CTNNBIP1: variants seen among roughly 807,000 people sequenced by gnomAD.
CTNNBIP1 encodes the protein beta-catenin-interacting protein 1.
Under a neutral mutation model 11.8 loss-of-function variants are expected in CTNNBIP1, and 7 were observed. The observed-to-expected ratio is 0.60, with a 90% confidence interval of 0.34 to 1.12. The LOEUF (loss-of-function observed/expected upper bound fraction) is 1.12. Among genes scored for constraint, CTNNBIP1 ranks in the 50% most tolerant of loss-of-function variants. CTNNBIP1 has a pLI of 0.03. For synonymous variants in CTNNBIP1, 58 were observed against 43.9 expected, an observed-to-expected ratio of 1.32 and a Z score of -1.26; for missense variants, 101 against 113.4, an observed-to-expected ratio of 0.89 and a Z score of 0.50.
chr1:9,859,800 T>C (rs1638584709), intron 5 of CTNNBIP1, among the ~76,000 whole-genome samples: 1 of 152,220 alleles, frequency 6.6e-6, no homozygotes, highest in South Asian at 2.1e-4. Context: ...AGCCTAGTGC[T>C]GCACTAGCTC....
At chr1:9,907,233 C>T (rs1376184746) in intron 1 of CTNNBIP1, among the ~76,000 whole-genome samples, 2 of 152,116 alleles carry the variant, frequency 1.3e-5, no homozygotes, top group African/African-American at 4.8e-5. Flanking sequence ...TGCAGTGGCA[C>T]GATCTTGGCT....
chr1:9,870,393 C>T (rs1348105648), intron 5 of CTNNBIP1, among the ~76,000 whole-genome samples: 1 of 152,144 alleles, frequency 6.6e-6, no homozygotes, highest in Non-Finnish European at 1.5e-5. Context: ...AGCCAAGGGA[C>T]ATGGAGCTGT....
intron 1 of CTNNBIP1, among the ~76,000 whole-genome samples, chr1:9,898,369 C>T (rs1639452907): frequency 6.6e-6 from 1 of 151,680 alleles, no homozygotes; most frequent in Admixed American, 6.6e-5. Context: ...GCTAAAAATA[C>T]AAAAATTATC....
At chr1:9,866,422 G>T (rs1200923988) in intron 5 of CTNNBIP1, among the ~76,000 whole-genome samples, 1 of 152,170 alleles carries the variant, frequency 6.6e-6, no homozygotes, top group African/African-American at 2.4e-5. Flanking sequence ...GGCTGGGCAT[G>T]GTGGCTCCCG....
chr1:9,905,647 G>A (rs1639602975), intron 1 of CTNNBIP1, among the ~76,000 whole-genome samples: 1 of 151,282 alleles, frequency 6.6e-6, no homozygotes, highest in Non-Finnish European at 1.5e-5. Context: ...ACCCAGGATG[G>A]TCTCGATCTC....
intron 5 of CTNNBIP1, among the ~76,000 whole-genome samples, chr1:9,868,826 G>A (rs1156487655): frequency 6.6e-6 from 1 of 152,182 alleles, no homozygotes; most frequent in East Asian, 1.9e-4. Context: ...AATAGAGACA[G>A]GATGTTGCCA....
chr1:9,878,704 G>T (rs983964730), intron 2 of CTNNBIP1, among the ~76,000 whole-genome samples: 1 of 152,180 alleles, frequency 6.6e-6, no homozygotes, highest in Non-Finnish European at 1.5e-5. Flanking sequence ...ATTGCCGAGT[G>T]GGCGGAGACA....
chr1:9,874,762 T>A (rs976929715), intron 3 of CTNNBIP1, among the ~76,000 whole-genome samples: 8 of 152,174 alleles, frequency 5.3e-5, no homozygotes, highest in Non-Finnish European at 1.0e-4. Flanking sequence ...CTCTGCAATA[T>A]CCACACCCAT....
intron 1 of CTNNBIP1, among the ~76,000 whole-genome samples, chr1:9,886,161 C>T (rs1211939528): frequency 6.6e-6 from 1 of 152,150 alleles, no homozygotes; most frequent in Non-Finnish European, 1.5e-5. Context: ...CCGTCAGTCC[C>T]CAGCTGGCTC....
chr1:9,861,844 C>T (rs1364581939), intron 5 of CTNNBIP1, among the ~76,000 whole-genome samples: 1 of 152,220 alleles, frequency 6.6e-6, no homozygotes, highest in Non-Finnish European at 1.5e-5. Context: ...AGGGGGAAGT[C>T]CCTGCACATC....
At chr1:9,869,938 C>T (rs906118077) in intron 5 of CTNNBIP1, among the ~76,000 whole-genome samples, 3 of 152,226 alleles carry the variant, frequency 2.0e-5, no homozygotes, top group South Asian at 2.1e-4. Flanking sequence ...AACAGGCTGC[C>T]GCATGATCCA....
At chr1:9,858,798 A>G (rs973098130) in intron 5 of CTNNBIP1, among the ~76,000 whole-genome samples, 2 of 152,166 alleles carry the variant, frequency 1.3e-5, no homozygotes, top group African/African-American at 2.4e-5. Flanking sequence ...TCTTTACTTT[A>G]CAGATGAGGA....
chr1:9,897,695 T>TC (rs1029160510), intron 1 of CTNNBIP1, among the ~76,000 whole-genome samples: 2 of 151,492 alleles, frequency 1.3e-5, no homozygotes, highest in African/African-American at 4.9e-5. Context: ...GCGCCTGTAA[T>TC]CCCAGTGACT....
chr1:9,875,403 A>G (rs1197199202), intron 3 of CTNNBIP1, among the ~76,000 whole-genome samples: 1 of 152,180 alleles, frequency 6.6e-6, no homozygotes, highest in Non-Finnish European at 1.5e-5. Context: ...GACCGCCTCC[A>G]TGGGGCCGGC....
chr1:9,902,571 C>A (rs1461758558), intron 1 of CTNNBIP1, among the ~76,000 whole-genome samples: 1 of 152,094 alleles, frequency 6.6e-6, no homozygotes, highest in African/African-American at 2.4e-5. Flanking sequence ...GAAAGCCAAC[C>A]CAGCCCCCCA....
intron 5 of CTNNBIP1, among the ~76,000 whole-genome samples, chr1:9,866,343 C>G (rs895918357): frequency 6.6e-6 from 1 of 152,166 alleles, no homozygotes; most frequent in African/African-American, 2.4e-5. Context: ...TCTTGCTCAC[C>G]AAGCTAAAGG....
rs1639709323 is a variant in CTNNBIP1 at position 9,910,226 on chromosome 1, C to A, written c.-275G>T. The A allele has an allele frequency of 1.4e-5, 2 of 147,466 alleles. No individual in the cohort carries two copies. The highest frequency in any genetic ancestry group is 4.1e-4 in the South Asian group (2 of 4,918). 9.1% of individuals were successfully genotyped at this position (147,466 alleles called of 1,614,324 possible). A position where few individuals can be genotyped will look rare whatever the true frequency, so the allele number is the denominator to read the frequency against. ...GCAGTAGCAGCAGCAGGAGCGGCCG[C>A]CTCAGCCTCCGCCTCCCGCTCCGAG... On this transcript the variant is annotated 5_prime_UTR_variant, in exon 1 of 6. Coordinates refer to ENST00000377263, the MANE Select transcript of CTNNBIP1 (RefSeq NM_020248.3).
intron 2 of CTNNBIP1, among the ~76,000 whole-genome samples, chr1:9,882,856 G>A (rs1010181001): frequency 1.3e-5 from 2 of 152,232 alleles, no homozygotes; most frequent in African/African-American, 4.8e-5. Flanking sequence ...ACAAGTGCAC[G>A]TGCCCTTGGG....
intron 5 of CTNNBIP1, among the ~76,000 whole-genome samples, chr1:9,856,158 T>A (rs952397369): frequency 4.4e-4 from 66 of 150,700 alleles, no homozygotes; most frequent in African/African-American, 1.1e-3. Flanking sequence ...AAAAAAAAAA[T>A]AAGAAATAAA....
Sources: allele counts gnomAD v4.1 joint callset (sites outside exome capture counted in the v4.1 genomes callset), GRCh38; gene constraint gnomAD v4.1.1; transcripts MANE v1.5; gene names NCBI Gene and HGNC (gene_info 2026-07-23, HGNC 2026-07-21).